The following E2F1 variants were observed in gnomAD, a reference collection of about 807,000 sequenced individuals.
E2F1 encodes the protein transcription factor E2F1.
E2F1 carries 7 observed loss-of-function variants against 36.9 expected under a neutral mutation model. The ratio of observed to expected loss-of-function variants is 0.19; its 90% CI spans 0.11 to 0.36. The LOEUF (loss-of-function observed/expected upper bound fraction) is 0.36, where lower values mean the gene tolerates loss of function less well. Ranked by LOEUF, E2F1 falls within the 10% of genes least tolerant of loss-of-function variation. The pLI is 1.00. For missense variants in E2F1, 406 were observed against 573.6 expected (o/e 0.71, Z 2.99); for synonymous variants, 261 against 263.1 (o/e 0.99, Z 0.08).
chr20:33,678,159 G>A (rs765340568), intron 4 of E2F1, 42 bp downstream of exon 4: 1 of 1,576,318 alleles, frequency 6.3e-7, no homozygotes, highest in Non-Finnish European at 8.7e-7. Context: ...GCCCCTGCCT[G>A]CTAAGCCTGC....
chr20:33,677,707 A>G (rs2071056), intron 4 of E2F1, among the ~76,000 whole-genome samples, 167 bp from the exon 5 acceptor site: 63,023 of 152,038 alleles, frequency 0.41, 14,768 homozygotes, highest in African/African-American at 0.64. Flanking sequence ...CTGTATAATG[A>G]AATCACTCTA....
Position 33,676,108 on chromosome 20 carries a change from C to G in E2F1, c.*624G>C, listed in dbSNP as rs1182293714. 6.5e-6 allele frequency: 1 copy of G among 152,672 alleles called. No homozygotes were observed. The highest frequency in any genetic ancestry group is 1.5e-5 in the Non-Finnish European group (1 of 68,132). The allele number at this position is 152,672 out of a possible 1,614,324, so 9.5% of individuals were successfully genotyped here. A position where few individuals can be genotyped will look rare whatever the true frequency, so the allele number is the denominator to read the frequency against. ...AGGGTAGAGGGAGTTGGGGTATCAACCCCACACCCCTCCTCCCCTTTGCTG... is the reference window on the plus strand; with the variant it reads ...AGGGTAGAGGGAGTTGGGGTATCAAGCCCACACCCCTCCTCCCCTTTGCTG... On this transcript the variant is annotated 3_prime_UTR_variant, in exon 7 of 7. Coordinates refer to ENST00000343380, the MANE Select transcript of E2F1 (RefSeq NM_005225.3).
chr20:33,683,532 A>G (rs1382946988), intron 1 of E2F1, among the ~76,000 whole-genome samples: 2 of 150,506 alleles, frequency 1.3e-5, no homozygotes, highest in African/African-American at 4.9e-5. Flanking sequence ...CAGCACTTTG[A>G]GAGGCTGAGA....
intron 1 of E2F1, 47 bp downstream of exon 1, chr20:33,685,957 G>C (rs1357732724): frequency 8.1e-6 from 9 of 1,113,308 alleles, no homozygotes; most frequent in East Asian, 1.0e-4. Flanking sequence ...GGGTCTGCGC[G>C]GGGGGCACAG....
At chr20:33,677,620 C>A in intron 4 of E2F1, 80 bp from the exon 5 acceptor site, 2 of 1,096,042 alleles carry the variant, frequency 1.8e-6, no homozygotes, top group Non-Finnish European at 2.7e-6. Flanking sequence ...AGGGCTCACA[C>A]CTGCCTAGTC....
Position 33,677,213 on chromosome 20 carries a change from C to T in E2F1, c.958G>A (p.Glu320Lys). The change falls in exon 6 of 7, where the codon GAG (glutamate) becomes AAG (lysine). Residue 320 changes from glutamate (E) to lysine (K), a missense_variant. By Grantham distance (56) the Glu-to-Lys change is moderately conservative (BLOSUM62 1). Around this residue, in one of 5 missense-constraint regions of E2F1, gnomAD observed 163 missense variants for 181.5 expected, o/e 0.90. Coordinates refer to ENST00000343380, the MANE Select transcript of E2F1 (RefSeq NM_005225.3). The stretch of plus-strand genomic sequence containing the variant: ...GCAGAGTCAGTGGCCCTGTTCTCCT[C>T]CTCAGAAGTGACCTCCTGGGATGGG... ...KTPSQEVTSE[E>K]ENRATDSATI... 1 of 1,614,164 alleles carries T rather than the reference C, an allele frequency of 6.2e-7. No individual in the cohort carries two copies. The highest frequency in any genetic ancestry group is 1.7e-5 in the Admixed American group (1 of 60,016).
At position 33,678,995 on chromosome 20, in the gene E2F1, C is replaced by G. The variant is rs562073771; in HGVS notation, c.573-642G>C. 2.0e-5 allele frequency among the ~76,000 whole-genome samples: 3 copies of G among 152,258 alleles called. No homozygotes were observed. In the East Asian group the frequency reaches 5.8e-4, roughly 29 times the overall value. On this transcript the variant is annotated intron_variant, in intron 3 of 6. Coordinates refer to ENST00000343380, the MANE Select transcript of E2F1 (RefSeq NM_005225.3). ...AAAAGATGCAGAATGGAACGATCTA[C>G]CAAAAAATGAAACGGCAGGTGTATC...
At chr20:33,681,431 T>A (rs191805355) in intron 1 of E2F1, among the ~76,000 whole-genome samples, 35 of 152,298 alleles carry the variant, frequency 2.3e-4, no homozygotes, top group Non-Finnish European at 4.4e-4. Context: ...GCTCATCAAG[T>A]TCCTTGCATC....
chr20:33,682,578 G>T (rs1328446457), intron 1 of E2F1, among the ~76,000 whole-genome samples: 1 of 152,168 alleles, frequency 6.6e-6, no homozygotes, highest in Non-Finnish European at 1.5e-5. Context: ...TTCTCCCTGG[G>T]ATCCCCACCC....
At chr20:33,680,627 G>A (rs928603424) in intron 1 of E2F1, among the ~76,000 whole-genome samples, 3 of 152,124 alleles carry the variant, frequency 2.0e-5, no homozygotes, top group Admixed American at 6.5e-5. Flanking sequence ...GGGGTCTAGC[G>A]GTGGATTTAA....
Position 33,686,114 on chromosome 20 carries a change from G to T in E2F1, c.151C>A (p.Pro51Thr), listed in dbSNP as rs2018066836. 1.9e-6 allele frequency: 2 copies of T among 1,072,686 alleles called. No homozygotes were observed. The highest frequency in any genetic ancestry group is 1.3e-4 in the East Asian group (2 of 15,396). 66.4% of individuals were successfully genotyped at this position (1,072,686 alleles called of 1,614,324 possible). ...DASAPPAPTG[P>T]AAPAAGPCDP... ...CAGGGGCCGGCGGCGGGCGCCGCGG[G>T]GCCGGTGGGAGCCGGCGGGGCGCTG... Residue 51 changes from proline (P) to threonine (T), a missense_variant, in exon 1 of 7, where the codon CCC becomes ACC. Pro to Thr is a conservative substitution (Grantham distance 38, BLOSUM62 -1). Around this residue, in one of 5 missense-constraint regions of E2F1, gnomAD observed 68 missense variants for 74.3 expected, o/e 0.92. Transcript: ENST00000343380.
At position 33,686,181 on chromosome 20, in the gene E2F1, G is replaced by A. The variant is rs1181191433; in HGVS notation, c.84C>T (p.Leu28=). Residue 28 remains leucine (L), a synonymous_variant, in exon 1 of 7, where the codon CTC becomes CTT. Coordinates refer to ENST00000343380, the MANE Select transcript of E2F1 (RefSeq NM_005225.3). ...AGATGATGACGATCTGCGAGGAGTCGAGCAGCCGCAGCGCGCCGGCCCCGA... is the reference window on the plus strand; with the variant it reads ...AGATGATGACGATCTGCGAGGAGTCAAGCAGCCGCAGCGCGCCGGCCCCGA... ...ALLGAGALRL[L]DSSQIVIISA... The A allele has an allele frequency of 8.6e-6, 9 of 1,048,752 alleles. No homozygotes were observed. In the African/African-American group the frequency reaches 8.6e-5, roughly 10 times the overall value. The allele number at this position is 1,048,752 out of a possible 1,614,324, so 65.0% of individuals were successfully genotyped here.
intron 1 of E2F1, among the ~76,000 whole-genome samples, chr20:33,683,106 A>G (rs868816466): frequency 1.3e-5 from 2 of 152,144 alleles, no homozygotes; most frequent in Non-Finnish European, 2.9e-5. Flanking sequence ...GAAAAAAAGG[A>G]AAAAAATGAA....
At position 33,676,654 on chromosome 20, in the gene E2F1, G is replaced by T. The variant is rs2017961005; in HGVS notation, c.*78C>A. 15 of 1,504,530 alleles carry T rather than the reference G, an allele frequency of 1.0e-5. No homozygotes were observed. Among genetic ancestry groups the T allele is most frequent in the Non-Finnish European group, 1.3e-5 (15 of 1,125,972 alleles). The allele number at this position is 1,504,530 out of a possible 1,614,324, so 93.2% of individuals were successfully genotyped here. On this transcript the variant is annotated 3_prime_UTR_variant, in exon 7 of 7. Coordinates refer to ENST00000343380, the MANE Select transcript of E2F1 (RefSeq NM_005225.3). ...TAAATGTTTCCAAACAGGCTGGGAG[G>T]ACGGCCAGGGACAGGGGGCTCCAGG...
At chr20:33,677,784 C>T (rs2017979060) in intron 4 of E2F1, among the ~76,000 whole-genome samples, 1 of 152,124 alleles carries the variant, frequency 6.6e-6, no homozygotes, top group Non-Finnish European at 1.5e-5. Context: ...AACACAACTC[C>T]AGGCCTGGTG....
rs762920298 is a variant in E2F1, at chr20:33,677,004, G to A, written c.1067-25C>T. ...TCTGGGGAGACGGGGAGCATCACAG[G>A]CCGGGGATGCCCCAGCAGGGAGGAA... On this transcript the variant is annotated intron_variant, in intron 6 of 6. Transcript: ENST00000343380. The A allele has an allele frequency of 5.1e-6, 8 of 1,557,088 alleles. No individual in the cohort carries two copies. The South Asian group carries it at 9.5e-5, about 19-fold the overall frequency.
Position 33,686,207 on chromosome 20 carries a change from G to C in E2F1, c.58C>G (p.Leu20Val). The C allele has an allele frequency of 9.6e-7, 1 of 1,038,210 alleles. No individual in the cohort carries two copies. Among genetic ancestry groups the C allele is most frequent in the Non-Finnish European group, 1.2e-6 (1 of 865,750 alleles). The allele number at this position is 1,038,210 out of a possible 1,614,324, so 64.3% of individuals were successfully genotyped here. ...AGCAGCCGCAGCGCGCCGGCCCCGA[G>C]CAGGGCCTCCAGCGCCGGCGCGCAT... is the stretch of plus-strand genomic sequence containing the variant. ...GPCAPALEAL[L>V]GAGALRLLDS... The change falls in exon 1 of 7, where the codon CTC becomes GTC. Residue 20 changes from leucine to valine, a missense_variant. Coordinates refer to ENST00000343380, the MANE Select transcript of E2F1 (RefSeq NM_005225.3).
chr20:33,683,020 A>T (rs2018031534), intron 1 of E2F1, among the ~76,000 whole-genome samples: 1 of 152,244 alleles, frequency 6.6e-6, no homozygotes, highest in Non-Finnish European at 1.5e-5. Context: ...TGTGAATGAT[A>T]CAGGAAAAAC....
In E2F1 at chr20:33,679,964, G is replaced by A. The variant is rs1408702577; in HGVS notation, c.363C>T (p.Ser121=). 6.2e-7 allele frequency: 1 copy of A among 1,613,672 alleles called. No individual in the cohort carries two copies. The highest frequency in any genetic ancestry group is 2.2e-5 in the East Asian group (1 of 44,860). The change falls in exon 3 of 7, where the codon TCC becomes TCT. Residue 121 remains serine, a synonymous_variant. Coordinates refer to ENST00000343380, the MANE Select transcript of E2F1 (RefSeq NM_005225.3). This position sits in a 1 kb window ranked among gnomAD's most constrained non-coding sequence, Gnocchi z 4.6. The part of the protein sequence containing the change: ...RGRHPGKGVK[S]PGEKSRYETS... ...TCTCATAGCGTGACTTCTCCCCCGG[G>A]GATTTCACACCTGTGGGGGTGTGGT...
Sources: gnomAD v4.1 joint callset for allele counts (sites outside exome capture counted in the v4.1 genomes callset) on GRCh38, gnomAD v4.1.1 for gene constraint, gnomAD v4.1.1 regional missense constraint, Gnocchi (gnomAD v3.1) non-coding constraint, MANE v1.5 for transcripts, NCBI Gene and HGNC (gene_info 2026-07-23, HGNC 2026-07-21) for gene names.